The following TRPM3 variants were observed in gnomAD, a reference collection of about 807,000 sequenced individuals.
The protein encoded by TRPM3 is long transient receptor potential channel 3.
A neutral mutation model predicts 181.2 loss-of-function variants in TRPM3; 77 were observed. The observed-to-expected ratio is 0.42, with a 90% CI of 0.35 to 0.51. The LOEUF (loss-of-function observed/expected upper bound fraction) is 0.51. TRPM3 is among the 20% of genes least tolerant of loss of function. The pLI is 0.01. For synonymous variants in TRPM3, 745 were observed against 796.4 expected (o/e 0.94, Z 1.09); for missense variants, 1,759 against 2,196.7 (o/e 0.80, Z 3.98).
intron 1 of TRPM3, among the ~76,000 whole-genome samples, chr9:71,389,876 G>T (rs962609978): frequency 6.6e-6 from 1 of 151,866 alleles, no homozygotes; most frequent in African/African-American, 2.4e-5. Context: ...TACAAATATG[G>T]TATAGTATAT....
chr9:71,081,530 CAT>C (rs1467788182), intron 1 of TRPM3, among the ~76,000 whole-genome samples: 1 of 152,236 alleles, frequency 6.6e-6, no homozygotes, highest in Non-Finnish European at 1.5e-5. Flanking sequence ...TTTTGAGAGA[CAT>C]AGAACAGTCA....
At chr9:70,765,361 C>G (rs190582715) in intron 7 of TRPM3, among the ~76,000 whole-genome samples, 1 of 152,120 alleles carries the variant, frequency 6.6e-6, no homozygotes, top group African/African-American at 2.4e-5. Context: ...AAGCCAGAGG[C>G]GGGTGGATCA....
At chr9:70,665,987 G>A (rs1464329238) in intron 9 of TRPM3, among the ~76,000 whole-genome samples, 30 of 152,210 alleles carry the variant, frequency 2.0e-4, no homozygotes, top group Admixed American at 2.0e-3. Flanking sequence ...AAGATTTGGT[G>A]TAAAAATTAC....
chr9:71,310,786 C>T (rs1010611803), intron 1 of TRPM3, among the ~76,000 whole-genome samples: 1 of 152,112 alleles, frequency 6.6e-6, no homozygotes, highest in African/African-American at 2.4e-5. Context: ...GGACAATACC[C>T]TGAGTAACAC....
chr9:70,668,731 T>C (rs569589220), intron 9 of TRPM3, among the ~76,000 whole-genome samples: 4 of 151,316 alleles, frequency 2.6e-5, no homozygotes, highest in Admixed American at 6.6e-5. Context: ...GTTGTTATTG[T>C]TGTATGTTAG....
At chr9:70,673,361 A>C (rs2063349517) in intron 9 of TRPM3, among the ~76,000 whole-genome samples, 1 of 152,040 alleles carries the variant, frequency 6.6e-6, no homozygotes, top group Non-Finnish European at 1.5e-5. Context: ...CATTTGAGGA[A>C]GCTTGATCTG....
chr9:70,993,312 A>G (rs1001150497), intron 1 of TRPM3, among the ~76,000 whole-genome samples: 5 of 152,182 alleles, frequency 3.3e-5, no homozygotes, highest in African/African-American at 1.2e-4. Flanking sequence ...GTGTGAGGTG[A>G]TGGCAGTTTT....
Position 71,029,092 on chromosome 9 carries a change from CA to C in TRPM3, c.177+92085del, listed in dbSNP as rs199519767. 5.6e-3 allele frequency among the ~76,000 whole-genome samples: 796 copies of C among 141,126 alleles called. 17 individuals are homozygous for C. The East Asian group carries it at 0.083, about 15-fold the overall frequency. 92.6% of individuals were successfully genotyped at this position (141,126 alleles called of 152,430 possible). A position where few individuals can be genotyped will look rare whatever the true frequency, so the allele number is the denominator to read the frequency against. On this transcript the variant is annotated intron_variant, in intron 1 of 25. Coordinates refer to ENST00000677713, the MANE Select transcript of TRPM3 (RefSeq NM_001366145.2). ...TACCAACCACTCTCAGACCACAGAA[CA>C]AAAAAAAAAACTTTTTGGTTAATTA...
intron 1 of TRPM3, among the ~76,000 whole-genome samples, chr9:71,328,821 G>A (rs1263903744): frequency 6.6e-6 from 1 of 152,150 alleles, no homozygotes; most frequent in African/African-American, 2.4e-5. Flanking sequence ...CTGCATTATA[G>A]CACAAGTCCC....
chr9:71,325,570 T>A (rs1217497828), intron 1 of TRPM3, among the ~76,000 whole-genome samples: 2 of 152,182 alleles, frequency 1.3e-5, no homozygotes, highest in Admixed American at 1.3e-4. Context: ...ACAACATGGT[T>A]TAAAGACAGC....
intron 1 of TRPM3, among the ~76,000 whole-genome samples, chr9:70,938,192 TG>T (rs1454343506): frequency 6.6e-6 from 1 of 152,176 alleles, no homozygotes; most frequent in Non-Finnish European, 1.5e-5. Context: ...TTGGAGTTGT[TG>T]GATAAAGTTG....
chr9:70,680,853 A>T (rs774501956), intron 9 of TRPM3, among the ~76,000 whole-genome samples: 1 of 152,206 alleles, frequency 6.6e-6, no homozygotes, highest in Non-Finnish European at 1.5e-5. Context: ...ACCTAAAGGA[A>T]ACTGCTCTTC....
intron 1 of TRPM3, among the ~76,000 whole-genome samples, chr9:70,988,236 T>C (rs1032527938): frequency 6.6e-6 from 1 of 152,192 alleles, no homozygotes; most frequent in African/African-American, 2.4e-5. Flanking sequence ...TTGCCACTGA[T>C]TAAAATACAT....
chr9:70,911,878 C>T (rs2096541852), intron 1 of TRPM3, among the ~76,000 whole-genome samples: 1 of 152,142 alleles, frequency 6.6e-6, no homozygotes, highest in Non-Finnish European at 1.5e-5. Flanking sequence ...TCCCATTTGC[C>T]TCCCTAGAAT....
At chr9:70,545,564 T>TTTTTTTTGA (rs2044657361) in intron 25 of TRPM3, among the ~76,000 whole-genome samples, 1 of 148,380 alleles carries the variant, frequency 6.7e-6, no homozygotes, top group African/African-American at 2.5e-5. Context: ...TTTTTTTTTT[T>TTTTTTTTGA]GAAGTGGAGT....
intron 1 of TRPM3, among the ~76,000 whole-genome samples, chr9:71,149,996 A>G (rs532057109): frequency 1.3e-5 from 2 of 152,292 alleles, no homozygotes; most frequent in East Asian, 3.9e-4. Context: ...ACATATAAAT[A>G]AAAACAAAAC....
intron 1 of TRPM3, among the ~76,000 whole-genome samples, chr9:71,431,738 T>C (rs932551104): frequency 6.6e-6 from 1 of 152,176 alleles, no homozygotes; most frequent in Admixed American, 6.5e-5. Flanking sequence ...CCATAACTTG[T>C]GCATCAAAAT....
At chr9:71,428,049 G>A (rs1265808179) in intron 1 of TRPM3, among the ~76,000 whole-genome samples, 1 of 152,106 alleles carries the variant, frequency 6.6e-6, no homozygotes, top group Non-Finnish European at 1.5e-5. Context: ...TCACAGGCAT[G>A]GTATAGTCCA....
At chr9:71,218,776 T>G (rs1434254681) in intron 1 of TRPM3, among the ~76,000 whole-genome samples, 2 of 152,168 alleles carry the variant, frequency 1.3e-5, no homozygotes, top group East Asian at 1.9e-4. Context: ...AGCATAGCGA[T>G]TTTTTTGGTA....
Sources: allele counts gnomAD v4.1 joint callset (sites outside exome capture counted in the v4.1 genomes callset), GRCh38; gene constraint gnomAD v4.1.1; transcripts MANE v1.5; gene names NCBI Gene and HGNC (gene_info 2026-07-23, HGNC 2026-07-21).